Variants in CSMD1 observed in about 807,000 individuals in gnomAD.
CSMD1 encodes the protein CUB and Sushi multiple domains 1, also known as CUB and sushi domain-containing protein 1.
A neutral mutation model predicts 417.5 loss-of-function variants in CSMD1; 213 were observed. That is an observed-to-expected ratio of 0.51 (90% CI 0.46 to 0.57). CSMD1 has a LOEUF of 0.57. Ranked by LOEUF, CSMD1 falls within the 20% of genes least tolerant of loss-of-function variation. The pLI, the probability that CSMD1 is intolerant of heterozygous loss-of-function variation, is 0.00. For missense variants in CSMD1, 6,923 were observed against 4,529.7 expected, an observed-to-expected ratio of 1.53 and a Z score of -15.17; for synonymous variants, 2,862 against 1,736.8, an observed-to-expected ratio of 1.65 and a Z score of -16.11.
chr8:3,511,709 G>A (rs762136447), intron 10 of CSMD1, among the ~76,000 whole-genome samples: 10 of 148,946 alleles, frequency 6.7e-5, no homozygotes, highest in Admixed American at 1.3e-4. Context: ...GGTGAGATGA[G>A]ATCACTATTG....
intron 1 of CSMD1, among the ~76,000 whole-genome samples, chr8:4,949,400 TG>T (rs1353446357): frequency 2.6e-5 from 4 of 152,192 alleles, no homozygotes; most frequent in Non-Finnish European, 5.9e-5. Context: ...CTTCAACATG[TG>T]GTGAAACTTT....
intron 6 of CSMD1, among the ~76,000 whole-genome samples, chr8:3,724,183 C>T (rs1456370412): frequency 3.0e-5 from 3 of 99,336 alleles, no homozygotes; most frequent in African/African-American, 6.9e-5. Flanking sequence ...AACAATGCTA[C>T]CTCTTTTACT....
intron 10 of CSMD1, among the ~76,000 whole-genome samples, chr8:3,523,247 C>G (rs1276477278): frequency 1.3e-5 from 2 of 152,292 alleles, no homozygotes; most frequent in Admixed American, 6.5e-5. Flanking sequence ...CCTAAAGCAT[C>G]TACCATATAG....
chr8:3,132,326 C>T (rs1007089070), intron 41 of CSMD1, among the ~76,000 whole-genome samples: 1 of 151,376 alleles, frequency 6.6e-6, no homozygotes, highest in Non-Finnish European at 1.5e-5. Flanking sequence ...AAATTACATT[C>T]TCATGCTAGC....
intron 21 of CSMD1, among the ~76,000 whole-genome samples, chr8:3,354,351 C>T (rs1008051318): frequency 6.6e-6 from 1 of 152,054 alleles, no homozygotes; most frequent in Non-Finnish European, 1.5e-5. Flanking sequence ...TGTTGTGGGG[C>T]TTTTGAGGGC....
At chr8:4,260,963 C>A (rs1803839076) in intron 3 of CSMD1, among the ~76,000 whole-genome samples, 1 of 151,538 alleles carries the variant, frequency 6.6e-6, no homozygotes, top group Non-Finnish European at 1.5e-5. Context: ...CCTTTACTCT[C>A]ATTGACTTGC....
At position 4,816,600 on chromosome 8, in the gene CSMD1, C is replaced by T. The variant is rs1294733419; in HGVS notation, c.85+177732G>A. On this transcript the variant is annotated intron_variant, in intron 1 of 69. Transcript: ENST00000635120. The stretch of plus-strand genomic sequence containing the variant: ...GAGCCTTCTGAGTGTCAAGCACAGT[C>T]GAGGAACCAGGCGAACCATGTGAAC... Among the ~76,000 whole-genome samples, 8 of 152,136 alleles carry T rather than the reference C, an allele frequency of 5.3e-5. No homozygotes were observed. The East Asian group carries it at 5.8e-4, about 11-fold the overall frequency.
Position 2,966,596 on chromosome 8 carries a change from C to T in CSMD1, c.9074G>A (p.Trp3025Ter). The change falls in exon 58 of 70, where the codon TGG (tryptophan) becomes TAG (stop). Residue 3025 changes from tryptophan to a stop codon, truncating the protein, a stop_gained. Coordinates refer to ENST00000635120, the MANE Select transcript of CSMD1 (RefSeq NM_033225.6). LOFTEE classifies it high-confidence loss of function. ...TGTGCAGTCGGGAGCAGTGCCTGTCCAGGTCCCATTGGCTGTGCAATGCCG... is the reference window on the plus strand; with the variant it reads ...TGTGCAGTCGGGAGCAGTGCCTGTCTAGGTCCCATTGGCTGTGCAATGCCG... ...MTRHCTANGT[W>*]TGTAPDCTII... The T allele has an allele frequency of 3.1e-6, 5 of 1,613,712 alleles. No homozygotes were observed. The highest frequency in any genetic ancestry group is 4.2e-6 in the Non-Finnish European group (5 of 1,179,768).
intron 3 of CSMD1, among the ~76,000 whole-genome samples, chr8:4,176,563 G>A (rs999972880): frequency 1.3e-5 from 2 of 151,824 alleles, no homozygotes; most frequent in South Asian, 2.1e-4. Flanking sequence ...CCCCATTTTG[G>A]CAGTAGAAGT....
At chr8:3,127,675 A>G (rs1241696286) in intron 41 of CSMD1, 1 of 152,188 alleles carries the variant, frequency 6.6e-6, no homozygotes. Flanking sequence ...GGAAGAAGAA[A>G]AACAGTGGAA....
chr8:3,830,298 G>T (rs535546045), intron 5 of CSMD1, among the ~76,000 whole-genome samples: 2 of 152,182 alleles, frequency 1.3e-5, no homozygotes, highest in African/African-American at 4.8e-5. Flanking sequence ...TGGCTCTGGG[G>T]CAAACTAAGC....
chr8:4,421,029 A>C (rs1797223596), intron 2 of CSMD1, among the ~76,000 whole-genome samples: 1 of 152,076 alleles, frequency 6.6e-6, no homozygotes, highest in Non-Finnish European at 1.5e-5. Context: ...TTTATTTTTT[A>C]ATTCAGTCCC....
At chr8:3,762,760 CAG>C (rs1341642851) in intron 5 of CSMD1, among the ~76,000 whole-genome samples, 1 of 152,172 alleles carries the variant, frequency 6.6e-6, no homozygotes, top group African/African-American at 2.4e-5. Context: ...GGTTTATTCC[CAG>C]AGAGAGAAAG....
At chr8:3,825,244 G>C (rs1563118093) in intron 5 of CSMD1, among the ~76,000 whole-genome samples, 1 of 152,230 alleles carries the variant, frequency 6.6e-6, no homozygotes, top group South Asian at 2.1e-4. Flanking sequence ...AAGAGCCCTT[G>C]AGAGGCCGGG....
intron 3 of CSMD1, among the ~76,000 whole-genome samples, chr8:4,237,508 A>G (rs1802138668): frequency 6.6e-6 from 1 of 151,140 alleles, no homozygotes; most frequent in African/African-American, 2.4e-5. Flanking sequence ...ACTCTTGAAC[A>G]TGATGCTATA....
At chr8:4,783,614 C>A (rs962620615) in intron 1 of CSMD1, among the ~76,000 whole-genome samples, 2 of 152,186 alleles carry the variant, frequency 1.3e-5, no homozygotes, top group Admixed American at 6.5e-5. Context: ...CATTGCAGTG[C>A]CTCTTTTCAC....
chr8:4,575,708 A>G (rs1399751102), intron 2 of CSMD1, among the ~76,000 whole-genome samples: 1 of 152,252 alleles, frequency 6.6e-6, no homozygotes, highest in African/African-American at 2.4e-5. Flanking sequence ...AAATATGTTA[A>G]TAAATTTACA....
chr8:4,489,496 G>A (rs1220624661), intron 2 of CSMD1, among the ~76,000 whole-genome samples: 2 of 152,154 alleles, frequency 1.3e-5, no homozygotes, highest in African/African-American at 2.4e-5. Flanking sequence ...CACCAGAAAC[G>A]AGAGGTGGTT....
chr8:4,627,898 G>C (rs1184353898), intron 2 of CSMD1, among the ~76,000 whole-genome samples: 1 of 151,996 alleles, frequency 6.6e-6, no homozygotes, highest in Non-Finnish European at 1.5e-5. Context: ...ACACTTCTTT[G>C]TCATGTGAGA....
Sources: gnomAD v4.1 joint callset for allele counts (sites outside exome capture counted in the v4.1 genomes callset) on GRCh38, gnomAD v4.1.1 for gene constraint, MANE v1.5 for transcripts, NCBI Gene and HGNC (gene_info 2026-07-23, HGNC 2026-07-21) for gene names.